Variants in EPHB6 observed in about 807,000 individuals in gnomAD.
EPHB6 encodes the protein ephrin type-B receptor 6.
In EPHB6, 51 loss-of-function variants were observed where a neutral mutation model predicts 107.0. The observed-to-expected ratio is 0.48, with a 90% CI of 0.38 to 0.60. The LOEUF is 0.60. EPHB6 is among the 20% of genes least tolerant of loss of function. EPHB6 has a pLI of 0.00. For missense variants in EPHB6, 1,141 were observed against 1,355.5 expected (o/e 0.84, Z 2.48); for synonymous variants, 553 against 549.0 (o/e 1.01, Z -0.10).
chr7:142,867,039 G>A lies in EPHB6; in HGVS notation c.1721G>A (p.Gly574Asp), dbSNP rs2116455340. The part of the protein sequence containing the change: ...RTAAGHGPYG[G>D]KVYFQTLPQG... ...GCTGCCGGCCACGGCCCCTACGGGG[G>A]CAAAGTCTATTTCCAGACACTTCCT... The change falls in exon 11 of 20, where the codon GGC (glycine) becomes GAC (aspartate). Residue 574 changes from glycine to aspartate, a missense_variant. Around this residue, in one of 3 missense-constraint regions of EPHB6, gnomAD observed 616 missense variants for 759.3 expected, o/e 0.81. Transcript: ENST00000652003. The surrounding 1 kb of genome is among the most constrained non-coding windows in gnomAD (Gnocchi z 5.3). 2 of 1,613,978 alleles carry A rather than the reference G, an allele frequency of 1.2e-6. No homozygotes were observed. Among genetic ancestry groups the A allele is most frequent in the Non-Finnish European group, 1.7e-6 (2 of 1,180,008 alleles).
intron 7 of EPHB6, 43 bp downstream of exon 7, chr7:142,864,792 C>T (rs1173907653): frequency 6.2e-7 from 1 of 1,610,316 alleles, no homozygotes; most frequent in East Asian, 2.2e-5. Flanking sequence ...ACCTCCCACC[C>T]ACCCCCAGCC....
At position 142,863,866 on chromosome 7, in the gene EPHB6, T is replaced by C. The variant is rs998566602; in HGVS notation, c.166-100T>C. 1.9e-6 allele frequency: 3 copies of C among 1,562,906 alleles called. No individual in the cohort carries two copies. In the African/African-American group the frequency reaches 4.1e-5, roughly 21 times the overall value. On this transcript the variant is annotated intron_variant, in intron 6 of 19. Transcript: ENST00000652003. ...TCTATCTGCTTTGCTTGTCATTAAT[T>C]TTAAGTCTCAGTGGAAGAGATATGT...
At position 142,863,119 on chromosome 7, in the gene EPHB6, C is replaced by A; in HGVS notation, c.-101-8C>A. The A allele has an allele frequency of 2.3e-6, 2 of 863,332 alleles. No homozygotes were observed. Among genetic ancestry groups the A allele is most frequent in the South Asian group, 1.5e-5 (1 of 64,750 alleles). 53.5% of individuals were successfully genotyped at this position (863,332 alleles called of 1,614,324 possible). On this transcript the variant is annotated splice_region_variant and splice_polypyrimidine_tract_variant and intron_variant, in intron 4 of 19. Coordinates refer to ENST00000652003, the MANE Select transcript of EPHB6 (RefSeq NM_004445.6). Reference sequence around the variant, plus strand: ...ACCTGCCTCTTCTGGTCTTGTGTGTCTCCTCAGGAAGCAAGCTTAGCTGTA... The same window carrying A: ...ACCTGCCTCTTCTGGTCTTGTGTGTATCCTCAGGAAGCAAGCTTAGCTGTA...
At chr7:142,859,133 A>G (rs1802736052) in intron 1 of EPHB6, among the ~76,000 whole-genome samples, 1 of 55,734 alleles carries the variant, frequency 1.8e-5, no homozygotes, top group East Asian at 1.3e-3. Context: ...GAGAATTTCT[A>G]AATACTGACC....
Position 142,866,539 on chromosome 7 carries a change from G to A in EPHB6, c.1521G>A (p.Val507=), listed in dbSNP as rs757543657. ...QVSRASNSIT[V]SWPQPDQTNG... ...GCCGGGCATCCAACAGCATCACGGT[G>A]TCCTGGCCGCAGCCCGACCAGACCA... Residue 507 remains valine, a synonymous_variant, in exon 10 of 20, where the codon GTG becomes GTA. Transcript: ENST00000652003. The surrounding 1 kb of genome is among the most constrained non-coding windows in gnomAD (Gnocchi z 5.2). 3 of 1,614,180 alleles carry A rather than the reference G, an allele frequency of 1.9e-6. No homozygotes were observed. The highest frequency in any genetic ancestry group is 4.5e-5 in the East Asian group (2 of 44,882).
In EPHB6 at chr7:142,869,919, G is replaced by A. The variant is rs1409566771; in HGVS notation, c.2563G>A (p.Val855Met). Residue 855 changes from valine (V) to methionine (M), a missense_variant, in exon 17 of 20, where the codon GTG (valine) becomes ATG (methionine). By Grantham distance (21) the Val-to-Met change is conservative. Around this residue, in one of 3 missense-constraint regions of EPHB6, gnomAD observed 616 missense variants for 759.3 expected, o/e 0.81. Transcript: ENST00000652003. The surrounding 1 kb of genome is among the most constrained non-coding windows in gnomAD (Gnocchi z 4.5). ...VWSFGILMWE[V>M]MSYGERPYWD... is the part of the protein sequence containing the mutation. ...GAGCTTTGGGATACTCATGTGGGAA[G>A]TGATGAGTTATGGAGAACGGCCTTA... is the stretch of plus-strand genomic sequence containing the variant. 1.2e-6 allele frequency: 2 copies of A among 1,614,102 alleles called. No individual in the cohort carries two copies. The highest frequency in any genetic ancestry group is 2.7e-5 in the African/African-American group (2 of 74,932).
In EPHB6 at chr7:142,864,590, G is replaced by A. The variant is rs779336024; in HGVS notation, c.790G>A (p.Val264Met). The A allele has an allele frequency of 1.9e-6, 3 of 1,612,874 alleles. No individual in the cohort carries two copies. In the African/African-American group the frequency reaches 4.0e-5, roughly 22 times the overall value. The change falls in exon 7 of 20, where the codon GTG becomes ATG. Residue 264 changes from valine to methionine, a missense_variant. Val to Met is a conservative substitution (Grantham distance 21, BLOSUM62 1). Transcript: ENST00000652003. ...CCTGGTGGCAGCTGTGGGCACCTGT[G>A]TGGCTCATGCAGAGCCAGAGGAGGA... ...ASLVAAVGTCVAHAEPEEDGV... is the reference protein window; with the variant it reads ...ASLVAAVGTCMAHAEPEEDGV...
At position 142,855,779 on chromosome 7, in the gene EPHB6, G is replaced by T. The variant is rs1262632544; in HGVS notation, c.-432+394G>T. 6.6e-6 allele frequency among the ~76,000 whole-genome samples: 1 copy of T among 152,144 alleles called. No individual in the cohort carries two copies. Among genetic ancestry groups the T allele is most frequent in the Non-Finnish European group, 1.5e-5 (1 of 68,016 alleles). On this transcript the variant is annotated intron_variant, in intron 1 of 19. Coordinates refer to ENST00000652003, the MANE Select transcript of EPHB6 (RefSeq NM_004445.6). This position sits in a 1 kb window ranked among gnomAD's most constrained non-coding sequence, Gnocchi z 4.2. ...CAGTGGCATCACTCCAATCCCCTTGGAGCTGGGAGGAGTCAGGAGGCTGAC... is the reference window on the plus strand; with the variant it reads ...CAGTGGCATCACTCCAATCCCCTTGTAGCTGGGAGGAGTCAGGAGGCTGAC...
chr7:142,866,701 A>G lies in EPHB6; in HGVS notation c.1587+96A>G. The G allele has an allele frequency of 1.9e-6, 3 of 1,605,208 alleles. No individual in the cohort carries two copies. The Admixed American group carries it at 5.0e-5, about 27-fold the overall frequency. The stretch of plus-strand genomic sequence containing the variant: ...GGTGACCAGGTGCACAGGAGGAATG[A>G]GGGGTCCGCAACAGGGCTGGCAGGA... On this transcript the variant is annotated intron_variant, in intron 10 of 19. Transcript: ENST00000652003. The surrounding 1 kb of genome is among the most constrained non-coding windows in gnomAD (Gnocchi z 5.2).
At position 142,868,882 on chromosome 7, in the gene EPHB6, T is replaced by TC; in HGVS notation, c.2287-89dup. The TC allele has an allele frequency of 6.3e-7, 1 of 1,583,838 alleles. No homozygotes were observed. Among genetic ancestry groups the TC allele is most frequent in the Non-Finnish European group, 8.6e-7 (1 of 1,165,402 alleles). On this transcript the variant is annotated intron_variant, in intron 15 of 19. Transcript: ENST00000652003. This position sits in a 1 kb window ranked among gnomAD's most constrained non-coding sequence, Gnocchi z 4.2. The stretch of plus-strand genomic sequence containing the variant: ...CCAGCCATTTTCTGATTCGACACCC[T>TC]CCCGCTCTCATGCTGTTGTCTGCTA...
intron 1 of EPHB6, among the ~76,000 whole-genome samples, chr7:142,860,403 G>A (rs1213414710): frequency 1.3e-5 from 2 of 152,176 alleles, no homozygotes; most frequent in African/African-American, 2.4e-5. Context: ...TGTCAAGCAC[G>A]TCTCCAAATT....
rs766161939 is a variant in EPHB6, at chr7:142,865,974, C to T, written c.1120C>T (p.Pro374Ser). 6 of 1,613,920 alleles carry T rather than the reference C, an allele frequency of 3.7e-6. No individual in the cohort carries two copies. Among genetic ancestry groups the T allele is most frequent in the South Asian group, 1.1e-5 (1 of 91,074 alleles). The change falls in exon 9 of 20, where the codon CCC becomes TCC. Residue 374 changes from proline to serine, a missense_variant. By Grantham distance (74) the Pro-to-Ser change is moderately conservative. Transcript: ENST00000652003. ...CGGCCCCCCAGGTCCTCCATCGGCT[C>T]CCCAGGAGCTTTGGTTTGAGGTGCA... ...EAPCTGPPSA[P>S]QELWFEVQGS...
Position 142,868,122 on chromosome 7 carries a change from C to T in EPHB6, c.1918+73C>T. 3 of 1,613,216 alleles carry T rather than the reference C, an allele frequency of 1.9e-6. No homozygotes were observed. Among genetic ancestry groups the T allele is most frequent in the Non-Finnish European group, 2.5e-6 (3 of 1,179,282 alleles). The stretch of plus-strand genomic sequence containing the variant: ...GGGCACATGGCAGGCAAGGCTGGAT[C>T]CCCCCAAGATTGGGGGAGCTCCTTG... On this transcript the variant is annotated intron_variant, in intron 13 of 19. Transcript: ENST00000652003. The surrounding 1 kb of genome is among the most constrained non-coding windows in gnomAD (Gnocchi z 4.2).
Position 142,868,942 on chromosome 7 carries a change from A to G in EPHB6, c.2287-32A>G. The G allele has an allele frequency of 6.2e-7, 1 of 1,602,466 alleles. No individual in the cohort carries two copies. On this transcript the variant is annotated intron_variant, in intron 15 of 19. Coordinates refer to ENST00000652003, the MANE Select transcript of EPHB6 (RefSeq NM_004445.6). This position sits in a 1 kb window ranked among gnomAD's most constrained non-coding sequence, Gnocchi z 4.2. Reference sequence around the variant, plus strand: ...TTGAGGTCTCCCCCTGTCTCCGATCACTGACCTCTGCCCCCTGCCCCTTCC... The same window carrying G: ...TTGAGGTCTCCCCCTGTCTCCGATCGCTGACCTCTGCCCCCTGCCCCTTCC...
At position 142,870,982 on chromosome 7, in the gene EPHB6, C is replaced by A; in HGVS notation, c.*78C>A. 2 of 1,403,446 alleles carry A rather than the reference C, an allele frequency of 1.4e-6. No individual in the cohort carries two copies. The highest frequency in any genetic ancestry group is 2.0e-6 in the Non-Finnish European group (2 of 1,022,122). The allele number at this position is 1,403,446 out of a possible 1,614,324, so 86.9% of individuals were successfully genotyped here. ...TGGGACGTGAGCCGGGCTCCAACAG[C>A]CTCTGTGAGAGATGCCCCACACCAA... is the stretch of plus-strand genomic sequence containing the variant. On this transcript the variant is annotated 3_prime_UTR_variant, in exon 20 of 20. Transcript: ENST00000652003.
At chr7:142,865,867 C>A (rs557122920) in intron 8 of EPHB6, 93 bp from the exon 9 acceptor site, 3 of 1,384,342 alleles carry the variant, frequency 2.2e-6, no homozygotes, top group Non-Finnish European at 3.1e-6. Flanking sequence ...CCTTCCCTCT[C>A]GGCCACCCAC....
rs1794713116 is a variant in EPHB6 at position 142,868,267 on chromosome 7, C to T, written c.1945C>T (p.Pro649Ser). ...ACTCGGGGTGAAGTATTACATCGACCCCTCCACCTACGAGGACCCCTGTCA... is the reference window on the plus strand; with the variant it reads ...ACTCGGGGTGAAGTATTACATCGACTCCTCCACCTACGAGGACCCCTGTCA... ...PGLGVKYYID[P>S]STYEDPCQAI... is the part of the protein sequence containing the mutation. Residue 649 changes from proline to serine, a missense_variant, in exon 14 of 20, where the codon CCC becomes TCC. By Grantham distance (74) the Pro-to-Ser change is moderately conservative. Around this residue, in one of 3 missense-constraint regions of EPHB6, gnomAD observed 616 missense variants for 759.3 expected, o/e 0.81. Transcript: ENST00000652003. This position sits in a 1 kb window ranked among gnomAD's most constrained non-coding sequence, Gnocchi z 4.2. The T allele has an allele frequency of 5.0e-6, 8 of 1,614,048 alleles. No individual in the cohort carries two copies. Among genetic ancestry groups the T allele is most frequent in the Non-Finnish European group, 6.8e-6 (8 of 1,180,040 alleles).
chr7:142,869,297 A>G lies in EPHB6; in HGVS notation c.2460+150A>G. 1.1e-6 allele frequency: 1 copy of G among 926,128 alleles called. No homozygotes were observed. Among genetic ancestry groups the G allele is most frequent in the Non-Finnish European group, 1.6e-6 (1 of 619,174 alleles). The allele number at this position is 926,128 out of a possible 1,614,324, so 57.4% of individuals were successfully genotyped here. A position where few individuals can be genotyped will look rare whatever the true frequency, so the allele number is the denominator to read the frequency against. On this transcript the variant is annotated intron_variant, in intron 16 of 19. Coordinates refer to ENST00000652003, the MANE Select transcript of EPHB6 (RefSeq NM_004445.6). This position sits in a 1 kb window ranked among gnomAD's most constrained non-coding sequence, Gnocchi z 4.5. ...AGGGAGGCTCTCCTGTGTGATGGGG[A>G]GATGAAAGCCTAGGCGACGGGGTTT...
chr7:142,862,554 G>C (rs1802890596), intron 3 of EPHB6, among the ~76,000 whole-genome samples: 1 of 151,890 alleles, frequency 6.6e-6, no homozygotes, highest in African/African-American at 2.4e-5. Context: ...ATTTATTCTG[G>C]TCCCTTCCCT....
Sources: gnomAD v4.1 joint callset for allele counts (sites outside exome capture counted in the v4.1 genomes callset) on GRCh38, gnomAD v4.1.1 for gene constraint, gnomAD v4.1.1 regional missense constraint, Gnocchi (gnomAD v3.1) non-coding constraint, MANE v1.5 for transcripts, NCBI Gene and HGNC (gene_info 2026-07-23, HGNC 2026-07-21) for gene names.